Variants in SCAMP1 observed in about 807,000 individuals in gnomAD.
The protein encoded by SCAMP1 is secretory carrier-associated membrane protein 1.
SCAMP1 carries 15 observed loss-of-function variants against 41.8 expected under a neutral mutation model. The observed-to-expected ratio is 0.36, with a 90% CI of 0.24 to 0.55. The LOEUF is 0.55. Among genes scored for constraint, SCAMP1 ranks in the 20% least tolerant of loss-of-function variants. The pLI, the probability that SCAMP1 is intolerant of heterozygous loss-of-function variation, is 0.86. For missense variants in SCAMP1, 341 were observed against 412.6 expected (o/e 0.83, Z 1.50); for synonymous variants, 135 against 136.8 (o/e 0.99, Z 0.09).
chr5:78,392,666 AC>A (rs1179527176), intron 2 of SCAMP1, among the ~76,000 whole-genome samples: 1 of 152,232 alleles, frequency 6.6e-6, no homozygotes, highest in African/African-American at 2.4e-5. Context: ...GATTTGATGA[AC>A]AGTGATATGG....
chr5:78,444,517 CAT>C (rs1322948498), intron 6 of SCAMP1, among the ~76,000 whole-genome samples: 4 of 152,180 alleles, frequency 2.6e-5, no homozygotes, highest in East Asian at 1.9e-4. Context: ...CCTCCCATGA[CAT>C]GTGAGGATTC....
intron 5 of SCAMP1, among the ~76,000 whole-genome samples, chr5:78,419,787 T>C (rs1752296040): frequency 6.6e-6 from 1 of 152,246 alleles, no homozygotes; most frequent in South Asian, 2.1e-4. Context: ...TAAAATCTTT[T>C]AGGAGCATTC....
chr5:78,469,769 C>G (rs1753827932), intron 8 of SCAMP1, among the ~76,000 whole-genome samples: 1 of 151,342 alleles, frequency 6.6e-6, no homozygotes, highest in Admixed American at 6.6e-5. Context: ...TGGTTCACAC[C>G]TGTAATTCTA....
intron 5 of SCAMP1, among the ~76,000 whole-genome samples, chr5:78,419,861 C>G (rs1752297987): frequency 6.6e-6 from 1 of 152,076 alleles, no homozygotes. Flanking sequence ...CTATTTTTAA[C>G]TCTTCATTAG....
intron 2 of SCAMP1, among the ~76,000 whole-genome samples, chr5:78,395,182 C>T (rs1045853948): frequency 6.6e-6 from 1 of 152,116 alleles, no homozygotes; most frequent in Non-Finnish European, 1.5e-5. Context: ...TTTTCGTAGA[C>T]CATTTTTTTA....
intron 1 of SCAMP1, among the ~76,000 whole-genome samples, chr5:78,374,358 A>G (rs1751014828): frequency 6.6e-6 from 1 of 152,128 alleles, no homozygotes; most frequent in South Asian, 2.1e-4. Flanking sequence ...ATTCGGACAC[A>G]GAAGTTAATT....
intron 2 of SCAMP1, among the ~76,000 whole-genome samples, chr5:78,392,433 G>GA (rs1180605258): frequency 6.6e-6 from 1 of 152,142 alleles, no homozygotes; most frequent in Non-Finnish European, 1.5e-5. Context: ...TTAAGAAATA[G>GA]AAAAAATAGT....
intron 3 of SCAMP1, 114 bp from the exon 4 acceptor site, chr5:78,416,427 G>A: frequency 1.5e-6 from 1 of 681,748 alleles, no homozygotes; most frequent in Non-Finnish European, 2.4e-6. Flanking sequence ...CTGTACTTTG[G>A]AAGTGTGTTT....
intron 2 of SCAMP1, among the ~76,000 whole-genome samples, chr5:78,395,606 T>C (rs1055640089): frequency 1.6e-4 from 24 of 152,212 alleles, no homozygotes; most frequent in African/African-American, 4.8e-4. Flanking sequence ...TGGGGAAGAA[T>C]CTGCTTCCAG....
rs528089212 is a variant in SCAMP1 at position 78,377,296 on chromosome 5, C to A, written c.58-11541C>A. On this transcript the variant is annotated intron_variant, in intron 1 of 8. Transcript: ENST00000621999. ...TGCTTTACCTGCTGCTCTCTGCTCCCTTTTCTGGCCACCTTCCTATAACTT... is the reference window on the plus strand; with the variant it reads ...TGCTTTACCTGCTGCTCTCTGCTCCATTTTCTGGCCACCTTCCTATAACTT... Among the ~76,000 whole-genome samples the A allele has an allele frequency of 3.5e-3, 532 of 152,258 alleles. 6 individuals are homozygous for A. The highest frequency in any genetic ancestry group is 0.012 in the African/African-American group (513 of 41,542).
chr5:78,443,653 CTT>C (rs71613955), intron 6 of SCAMP1, among the ~76,000 whole-genome samples: 891 of 71,872 alleles, frequency 0.012, 7 homozygotes, highest in African/African-American at 0.048. Context: ...AGTGGTTTTG[CTT>C]TTTTTTTTTT....
chr5:78,380,740 A>G (rs950840082), intron 1 of SCAMP1, among the ~76,000 whole-genome samples: 6 of 152,186 alleles, frequency 3.9e-5, no homozygotes, highest in Admixed American at 2.0e-4. Context: ...AAAAAAGATC[A>G]CTGATCACAG....
intron 1 of SCAMP1, among the ~76,000 whole-genome samples, chr5:78,362,829 C>G (rs575017200): frequency 1.3e-5 from 2 of 151,302 alleles, no homozygotes; most frequent in Non-Finnish European, 2.9e-5. Flanking sequence ...ATTTCTGATA[C>G]TCTACTTAAA....
At chr5:78,396,210 TG>T (rs1181796606) in intron 2 of SCAMP1, among the ~76,000 whole-genome samples, 1 of 152,164 alleles carries the variant, frequency 6.6e-6, no homozygotes, top group African/African-American at 2.4e-5. Flanking sequence ...ACCCATAGAA[TG>T]TACAACACCA....
At chr5:78,435,020 G>T (rs1203414685) in intron 6 of SCAMP1, among the ~76,000 whole-genome samples, 4 of 152,148 alleles carry the variant, frequency 2.6e-5, no homozygotes, top group Admixed American at 1.3e-4. Flanking sequence ...GCAACAGTAG[G>T]TATGTCAGAA....
At chr5:78,462,984 A>T (rs1167876011) in intron 8 of SCAMP1, among the ~76,000 whole-genome samples, 1 of 149,564 alleles carries the variant, frequency 6.7e-6, no homozygotes, top group East Asian at 1.9e-4. Flanking sequence ...ACTATGTATG[A>T]GGAATGCATA....
At chr5:78,372,979 C>G (rs575843967) in intron 1 of SCAMP1, among the ~76,000 whole-genome samples, 1 of 152,062 alleles carries the variant, frequency 6.6e-6, no homozygotes, top group East Asian at 1.9e-4. Flanking sequence ...ATATAAGAAA[C>G]ATAACAACAA....
chr5:78,437,660 T>G (rs1388005423), intron 6 of SCAMP1, among the ~76,000 whole-genome samples: 1 of 152,230 alleles, frequency 6.6e-6, no homozygotes, highest in Non-Finnish European at 1.5e-5. Flanking sequence ...TCAGGGATAT[T>G]GGTCTAAAAT....
chr5:78,457,470 G>T (rs1192308629), intron 7 of SCAMP1, among the ~76,000 whole-genome samples: 1 of 152,064 alleles, frequency 6.6e-6, no homozygotes, highest in Non-Finnish European at 1.5e-5. Flanking sequence ...TGCCCCTGCT[G>T]GGGGGTGCCT....
Sources: gnomAD v4.1 joint callset for allele counts (sites outside exome capture counted in the v4.1 genomes callset) on GRCh38, gnomAD v4.1.1 for gene constraint, MANE v1.5 for transcripts, NCBI Gene and HGNC (gene_info 2026-07-23, HGNC 2026-07-21) for gene names.